Variants in ZNF454 observed in about 807,000 individuals in gnomAD.
ZNF454 encodes zinc finger protein 454.
ZNF454 carries 30 observed loss-of-function variants against 48.2 expected under a neutral mutation model. The ratio of observed to expected loss-of-function variants is 0.62; its 90% CI spans 0.47 to 0.84. The LOEUF is 0.84. Among genes scored for constraint, ZNF454 ranks in the 40% least tolerant of loss-of-function variants. ZNF454 has a pLI of 0.00. For synonymous variants in ZNF454, 204 were observed against 211.4 expected, an observed-to-expected ratio of 0.97 and a Z score of 0.30; for missense variants, 510 against 623.1, an observed-to-expected ratio of 0.82 and a Z score of 1.93.
intron 4 of ZNF454, among the ~76,000 whole-genome samples, chr5:178,948,994 C>T (rs999711265): frequency 6.6e-6 from 1 of 151,114 alleles, no homozygotes; most frequent in African/African-American, 2.4e-5. Flanking sequence ...CCTCAGGCTC[C>T]TAAATAGCTG....
the ZNF454 span, chr5:178,983,255 T>C: frequency 6.3e-7 from 1 of 1,578,400 alleles, no homozygotes; most frequent in Non-Finnish European, 8.7e-7. Context: ...GACACAGCAC[T>C]TTCCAGGGAC....
rs78661561 is a variant in ZNF454, at chr5:178,946,034, G to T, written c.34-325G>T. On this transcript the variant is annotated intron_variant, in intron 2 of 4. Transcript: ENST00000519564. The surrounding 1 kb of genome is among the most constrained non-coding windows in gnomAD (Gnocchi z 4.5). ...GACCTGCGTAGGATTTGGTCCCCTG[G>T]GGTGAGCGGAGAGGCAGGGCTAGGC... 0.074 allele frequency among the ~76,000 whole-genome samples: 11,213 copies of T among 152,142 alleles called. 528 individuals carry two copies. The highest frequency in any genetic ancestry group is 0.1 in the Non-Finnish European group (6,998 of 67,970).
At chr5:178,986,463 G>C in the ZNF454 span, 2 of 1,612,600 alleles carry the variant, frequency 1.2e-6, no homozygotes, top group South Asian at 1.1e-5. Context: ...TAGTGGCCAC[G>C]ATGCCCAGCA....
the ZNF454 span, among the ~76,000 whole-genome samples, chr5:178,972,994 T>TAAA: frequency 7.4e-6 from 1 of 135,630 alleles, no homozygotes; most frequent in East Asian, 2.2e-4. Flanking sequence ...AGTAAATAGG[T>TAAA]AAAAAAAAAA....
At chr5:178,945,529 G>A (rs1296270005) in intron 2 of ZNF454, among the ~76,000 whole-genome samples, 2 of 150,216 alleles carry the variant, frequency 1.3e-5, no homozygotes, top group African/African-American at 4.9e-5. Flanking sequence ...TCTGTGTGGG[G>A]GGTGTGGGTA....
chr5:178,975,699 T>C, the ZNF454 span: 1 of 430,526 alleles, frequency 2.3e-6, no homozygotes, highest in Non-Finnish European at 4.8e-6. Context: ...CCCCAGTGCC[T>C]CAGGTGACGG....
At chr5:178,942,853 G>A (rs764682767) in intron 2 of ZNF454, 29 bp downstream of exon 2, 2 of 1,606,384 alleles carry the variant, frequency 1.2e-6, no homozygotes, top group East Asian at 2.2e-5. Flanking sequence ...CCCCTAAATT[G>A]CTTTCTGGAT....
rs147065000 is a variant in ZNF454 at position 178,966,327 on chromosome 5, G to A, written c.*354G>A. The A allele has an allele frequency of 0.099, 15,990 of 160,900 alleles. 1,028 individuals carry two copies. The highest frequency in any genetic ancestry group is 0.15 in the Non-Finnish European group (11,079 of 73,336). 10.0% of individuals were successfully genotyped at this position (160,900 alleles called of 1,614,324 possible). On this transcript the variant is annotated 3_prime_UTR_variant, in exon 5 of 5. Coordinates refer to ENST00000519564, the MANE Select transcript of ZNF454 (RefSeq NM_001178089.3). ...TGGGCGCCTGTAGTCCCAGCTACTC[G>A]GGAGGCTGAGGCAGGAGAATGGCAT...
chr5:178,968,610 T>C (rs561281410), downstream of ZNF454: 182 of 358,014 alleles, frequency 5.1e-4, 1 homozygote, highest in South Asian at 3.7e-3. Context: ...ATCTGCAGCT[T>C]CACGCAGCTG....
the ZNF454 span, chr5:178,989,202 C>CCCCTCACCA: frequency 3.0e-6 from 4 of 1,317,356 alleles, no homozygotes; most frequent in Non-Finnish European, 4.3e-6. Context: ...TCCCGCCTTC[C>CCCCTCACCA]CCCTCCCCAC....
chr5:178,986,953 T>G, the ZNF454 span: 2 of 1,614,032 alleles, frequency 1.2e-6, no homozygotes, highest in African/African-American at 1.3e-5. Context: ...ATCTCCGTTC[T>G]CGTTGAACAT....
At chr5:178,948,555 G>A (rs558777981) in intron 4 of ZNF454, among the ~76,000 whole-genome samples, 2 of 152,278 alleles carry the variant, frequency 1.3e-5, no homozygotes, top group East Asian at 3.9e-4. Context: ...ATAGTCAGGT[G>A]TGGGTGATGA....
In ZNF454 at chr5:178,948,585, A is replaced by G. The variant is rs1759428314; in HGVS notation, c.250+1599A>G. ...TGATGACATGAAGGTACAGCCAACC[A>G]CAGTTCAGTGCATCTGGGCCCCTGC... On this transcript the variant is annotated intron_variant, in intron 4 of 4. Coordinates refer to ENST00000519564, the MANE Select transcript of ZNF454 (RefSeq NM_001178089.3). Among the ~76,000 whole-genome samples, 6 of 152,266 alleles carry G rather than the reference A, an allele frequency of 3.9e-5. No homozygotes were observed. The South Asian group carries it at 1.2e-3, about 32-fold the overall frequency.
downstream of ZNF454, among the ~76,000 whole-genome samples, chr5:178,966,704 C>T (rs1038013496): frequency 2.0e-5 from 3 of 152,038 alleles, no homozygotes; most frequent in Non-Finnish European, 4.4e-5. Flanking sequence ...AGAGAGTTGC[C>T]AGCTTTAATG....
chr5:178,951,359 C>T (rs932288652), intron 4 of ZNF454, among the ~76,000 whole-genome samples: 7 of 152,134 alleles, frequency 4.6e-5, no homozygotes, highest in South Asian at 2.1e-4. Flanking sequence ...GGTACTGGAG[C>T]GCTGCAGCAC....
chr5:178,989,499 G>A, the ZNF454 span: 1 of 1,512,608 alleles, frequency 6.6e-7, no homozygotes. Context: ...TCAGCTAGGA[G>A]TGGCCAGGTG....
At chr5:178,948,396 C>T (rs1033567371) in intron 4 of ZNF454, among the ~76,000 whole-genome samples, 2 of 152,154 alleles carry the variant, frequency 1.3e-5, no homozygotes, top group Admixed American at 1.3e-4. Context: ...AAAAGAAATT[C>T]ATCCACAGTT....
At chr5:178,954,846 A>AT (rs1264910954) in intron 4 of ZNF454, among the ~76,000 whole-genome samples, 2 of 152,160 alleles carry the variant, frequency 1.3e-5, no homozygotes, top group Non-Finnish European at 2.9e-5. Context: ...CTTTACTGGC[A>AT]TGATGTCTTT....
At chr5:178,967,778 C>T (rs1389340854), downstream of ZNF454, among the ~76,000 whole-genome samples, 4 of 134,480 alleles carry the variant, frequency 3.0e-5, no homozygotes, top group South Asian at 2.4e-4. Flanking sequence ...CTTGCACTGT[C>T]GCCCAGGCTG....
Sources: allele counts gnomAD v4.1 joint callset (sites outside exome capture counted in the v4.1 genomes callset), GRCh38; gene constraint gnomAD v4.1.1; non-coding constraint Gnocchi (gnomAD v3.1); transcripts MANE v1.5; gene names NCBI Gene and HGNC (gene_info 2026-07-23, HGNC 2026-07-21).